The following ROBO1 variants were observed in gnomAD, a reference collection of about 807,000 sequenced individuals.
ROBO1 encodes the protein roundabout homolog 1.
A neutral mutation model predicts 195.9 loss-of-function variants in ROBO1; 149 were observed. That is an observed-to-expected ratio of 0.76 (90% confidence interval 0.67 to 0.87). ROBO1 has a LOEUF of 0.87. ROBO1 is among the 40% of genes least tolerant of loss of function. The pLI, the probability that ROBO1 is intolerant of heterozygous loss-of-function variation, is 0.00. For missense variants in ROBO1, 1,933 were observed against 2,068.3 expected (o/e 0.93, Z 1.27); for synonymous variants, 816 against 733.2 (o/e 1.11, Z -1.82).
chr3:78,667,890 T>C lies in ROBO1; in HGVS notation c.1959A>G (p.Lys653=). ...AAGTAAATCAATATTTACCTTGTGT[T>C]TTCACTGGATCTGATATTTGGCTTG... ...SDPSQISDPV[K]TQDVLPTSQG... Residue 653 remains lysine, a synonymous_variant, in exon 14 of 31, where the codon AAA becomes AAG. Coordinates refer to ENST00000464233, the MANE Select transcript of ROBO1 (RefSeq NM_002941.4). The C allele has an allele frequency of 6.2e-7, 1 of 1,613,442 alleles. No individual in the cohort carries two copies. Among genetic ancestry groups the C allele is most frequent in the Non-Finnish European group, 8.5e-7 (1 of 1,179,592 alleles).
intron 2 of ROBO1, among the ~76,000 whole-genome samples, chr3:79,368,303 A>T (rs545727199): frequency 3.9e-5 from 6 of 152,306 alleles, no homozygotes; most frequent in African/African-American, 1.4e-4. Flanking sequence ...TTCATGCTAG[A>T]GTCCTAGAGA....
intron 2 of ROBO1, among the ~76,000 whole-genome samples, chr3:79,429,348 C>T (rs2038580116): frequency 6.6e-6 from 1 of 151,884 alleles, no homozygotes; most frequent in South Asian, 2.1e-4. Flanking sequence ...TGAGCTGGAC[C>T]GTAAAGCCAG....
intron 3 of ROBO1, among the ~76,000 whole-genome samples, chr3:79,073,785 A>G (rs2108443211): frequency 6.6e-6 from 1 of 151,814 alleles, no homozygotes; most frequent in Admixed American, 6.6e-5. Context: ...AAGATAGATC[A>G]TCGGAAAATG....
At chr3:79,122,546 T>C (rs571063598) in intron 3 of ROBO1, among the ~76,000 whole-genome samples, 4 of 152,090 alleles carry the variant, frequency 2.6e-5, no homozygotes, top group African/African-American at 9.6e-5. Context: ...GCAACTACTA[T>C]TATGAGAGAT....
At chr3:78,931,020 C>T (rs1324417827) in intron 4 of ROBO1, among the ~76,000 whole-genome samples, 1 of 152,006 alleles carries the variant, frequency 6.6e-6, no homozygotes, top group African/African-American at 2.4e-5. Context: ...TTTTCTTTCC[C>T]CCCTGCTCCT....
chr3:79,454,921 T>C (rs2039567150), intron 2 of ROBO1, among the ~76,000 whole-genome samples: 1 of 152,132 alleles, frequency 6.6e-6, no homozygotes, highest in South Asian at 2.1e-4. Context: ...GTTCAGACTA[T>C]TTAGCTGGCT....
chr3:78,933,493 T>C (rs560144250), intron 4 of ROBO1, among the ~76,000 whole-genome samples: 1 of 152,206 alleles, frequency 6.6e-6, no homozygotes, highest in Admixed American at 6.5e-5. Context: ...ATACCTCACT[T>C]ATGAAACAAT....
chr3:79,332,800 T>C (rs762074655), intron 2 of ROBO1, among the ~76,000 whole-genome samples: 7 of 152,210 alleles, frequency 4.6e-5, no homozygotes, highest in Admixed American at 1.3e-4. Context: ...TATCCATCAT[T>C]TCTAAGGTGT....
At chr3:79,321,278 C>T (rs2033971710) in intron 2 of ROBO1, among the ~76,000 whole-genome samples, 1 of 151,256 alleles carries the variant, frequency 6.6e-6, no homozygotes, top group Non-Finnish European at 1.5e-5. Context: ...AATTTTTATT[C>T]ACACATTTTC....
intron 2 of ROBO1, among the ~76,000 whole-genome samples, chr3:79,527,337 A>ACT (rs1941473211): frequency 1.3e-5 from 2 of 152,188 alleles, no homozygotes; most frequent in Non-Finnish European, 2.9e-5. Flanking sequence ...CAGATGTGTT[A>ACT]CTAGGATAAC....
intron 3 of ROBO1, among the ~76,000 whole-genome samples, chr3:79,018,175 CAA>C (rs540894662): frequency 1.0e-3 from 158 of 152,156 alleles, no homozygotes; most frequent in African/African-American, 3.1e-3. Flanking sequence ...CCGAGATCTG[CAA>C]AGAGTCTTGA....
At chr3:78,717,456 A>C (rs776685211) in intron 6 of ROBO1, 43 bp from the exon 7 acceptor site, 25 of 1,571,522 alleles carry the variant, frequency 1.6e-5, no homozygotes, top group Non-Finnish European at 1.2e-5. Context: ...TTTTAAAATG[A>C]ACCAGCTGAA....
intron 2 of ROBO1, among the ~76,000 whole-genome samples, chr3:79,545,685 T>C (rs6770483): frequency 0.73 from 110,645 of 152,134 alleles, 41,387 homozygotes; most frequent in African/African-American, 0.92. Context: ...AATTACAAGA[T>C]TCGAGATGGT....
chr3:79,001,081 T>C (rs1221725727), intron 3 of ROBO1, among the ~76,000 whole-genome samples: 3 of 150,876 alleles, frequency 2.0e-5, no homozygotes, highest in African/African-American at 7.3e-5. Context: ...TGAGAACACA[T>C]GGACACAGGA....
intron 3 of ROBO1, among the ~76,000 whole-genome samples, chr3:79,038,099 A>G (rs1452282861): frequency 2.0e-5 from 3 of 152,164 alleles, no homozygotes; most frequent in Non-Finnish European, 2.9e-5. Flanking sequence ...CATGTTTCCA[A>G]TAAAATAATT....
At chr3:78,970,390 C>T (rs1222320815) in intron 3 of ROBO1, among the ~76,000 whole-genome samples, 1 of 152,220 alleles carries the variant, frequency 6.6e-6, no homozygotes, top group African/African-American at 2.4e-5. Context: ...AATAATACTA[C>T]ACTGCAGGGT....
At chr3:78,893,819 C>G (rs2037067186) in intron 4 of ROBO1, among the ~76,000 whole-genome samples, 1 of 152,036 alleles carries the variant, frequency 6.6e-6, no homozygotes, top group South Asian at 2.1e-4. Flanking sequence ...AGATTTTCCT[C>G]TAGGATCTGG....
intron 1 of ROBO1, among the ~76,000 whole-genome samples, chr3:79,716,765 A>G (rs200491454): frequency 9.9e-5 from 15 of 151,986 alleles, no homozygotes; most frequent in Non-Finnish European, 2.2e-4. Context: ...ATTTAATAAC[A>G]CAGCATGCCA....
chr3:79,395,060 A>C (rs1317936257), intron 2 of ROBO1, among the ~76,000 whole-genome samples: 1 of 152,034 alleles, frequency 6.6e-6, no homozygotes, highest in African/African-American at 2.4e-5. Context: ...GCGGTGGCTC[A>C]CGCCTGTAAT....
Sources: gnomAD v4.1 joint callset for allele counts (sites outside exome capture counted in the v4.1 genomes callset) on GRCh38, gnomAD v4.1.1 for gene constraint, MANE v1.5 for transcripts, NCBI Gene and HGNC (gene_info 2026-07-23, HGNC 2026-07-21) for gene names.